Variants in PTPRM observed in about 807,000 individuals in gnomAD.
The protein encoded by PTPRM is receptor-type tyrosine-protein phosphatase mu.
In PTPRM, 47 loss-of-function variants were observed where a neutral mutation model predicts 186.7. The observed-to-expected ratio is 0.25, with a 90% CI of 0.20 to 0.32. The LOEUF (loss-of-function observed/expected upper bound fraction) is 0.32, where lower values mean the gene tolerates loss of function less well. Ranked by LOEUF, PTPRM falls within the 10% of genes least tolerant of loss-of-function variation. The pLI is 1.00. For missense variants in PTPRM, 1,494 were observed against 1,865.0 expected (o/e 0.80, Z 3.66); for synonymous variants, 668 against 674.9 (o/e 0.99, Z 0.16).
intron 14 of PTPRM, among the ~76,000 whole-genome samples, chr18:8,194,197 C>T (rs912981316): frequency 1.3e-5 from 2 of 152,214 alleles, no homozygotes; most frequent in African/African-American, 4.8e-5. Context: ...TTAATGCCAT[C>T]TCCTCTTCTT....
intron 14 of PTPRM, among the ~76,000 whole-genome samples, chr18:8,180,954 G>A (rs891243768): frequency 6.6e-6 from 1 of 152,076 alleles, no homozygotes; most frequent in Non-Finnish European, 1.5e-5. Context: ...GGGTGGGGGG[G>A]CCCTCTCCTG....
chr18:8,002,300 G>A (rs944815872), intron 7 of PTPRM, among the ~76,000 whole-genome samples: 1 of 152,178 alleles, frequency 6.6e-6, no homozygotes, highest in Non-Finnish European at 1.5e-5. Context: ...AGGGAATGAA[G>A]GTCCTGCCAT....
intron 2 of PTPRM, among the ~76,000 whole-genome samples, chr18:7,806,293 G>C (rs73395426): frequency 0.014 from 2,120 of 152,262 alleles, 45 homozygotes; most frequent in African/African-American, 0.04. Flanking sequence ...GGTTACTCAA[G>C]GGACTTCCAC....
At chr18:7,764,637 C>A (rs1175253649) in intron 1 of PTPRM, among the ~76,000 whole-genome samples, 10 of 152,200 alleles carry the variant, frequency 6.6e-5, no homozygotes, top group Non-Finnish European at 4.4e-5. Flanking sequence ...GAGGTTCTGA[C>A]TCAGTAGGTC....
chr18:7,624,580 G>T (rs1203390775), intron 1 of PTPRM, among the ~76,000 whole-genome samples: 4 of 152,002 alleles, frequency 2.6e-5, no homozygotes, highest in Non-Finnish European at 5.9e-5. Flanking sequence ...TGACTTCCTG[G>T]GTTCAAGTGA....
chr18:7,608,250 C>G (rs2037585332), intron 1 of PTPRM, among the ~76,000 whole-genome samples: 1 of 152,098 alleles, frequency 6.6e-6, no homozygotes, highest in Non-Finnish European at 1.5e-5. Context: ...ACAAAGAATA[C>G]TTTTTTCTGA....
chr18:8,074,674 TG>T (rs747336630), intron 8 of PTPRM, among the ~76,000 whole-genome samples: 66 of 152,240 alleles, frequency 4.3e-4, no homozygotes, highest in Non-Finnish European at 8.5e-4. Context: ...TATCTTTTCC[TG>T]TGCTTATTGA....
intron 1 of PTPRM, among the ~76,000 whole-genome samples, chr18:7,769,075 C>T (rs778013100): frequency 1.3e-5 from 2 of 152,110 alleles, no homozygotes; most frequent in Non-Finnish European, 2.9e-5. Flanking sequence ...CCCTAAACCT[C>T]ATTGCTCTGT....
At chr18:7,683,164 T>C (rs1339452156) in intron 1 of PTPRM, among the ~76,000 whole-genome samples, 2 of 69,628 alleles carry the variant, frequency 2.9e-5, no homozygotes, top group Non-Finnish European at 4.4e-5. Context: ...TGGCTTGCCA[T>C]TTTTTTTTTT....
At chr18:7,965,474 T>G (rs978566999) in intron 7 of PTPRM, among the ~76,000 whole-genome samples, 3 of 151,974 alleles carry the variant, frequency 2.0e-5, no homozygotes. Context: ...CCCAGGAAGG[T>G]AGGTGAACCC....
chr18:7,638,959 T>A (rs368418474), intron 1 of PTPRM, among the ~76,000 whole-genome samples: 1 of 152,240 alleles, frequency 6.6e-6, no homozygotes, highest in Non-Finnish European at 1.5e-5. Flanking sequence ...GAAAAGTTGA[T>A]CATCTTGAAT....
intron 19 of PTPRM, among the ~76,000 whole-genome samples, chr18:8,259,651 C>CTT (rs375876416): frequency 1.4e-5 from 2 of 148,092 alleles, no homozygotes; most frequent in African/African-American, 2.5e-5. Flanking sequence ...TAAAATCTTG[C>CTT]TTTTTTTTTT....
chr18:7,676,125 C>T (rs888272937), intron 1 of PTPRM, among the ~76,000 whole-genome samples: 1 of 152,130 alleles, frequency 6.6e-6, no homozygotes, highest in Non-Finnish European at 1.5e-5. Flanking sequence ...AGACTTGGCT[C>T]TTATTCTCAA....
intron 1 of PTPRM, among the ~76,000 whole-genome samples, chr18:7,626,977 G>C (rs957695763): frequency 6.6e-6 from 1 of 152,072 alleles, no homozygotes; most frequent in Non-Finnish European, 1.5e-5. Context: ...ACCTGGGAGT[G>C]CATCACACTC....
In PTPRM at chr18:8,380,390, C is replaced by T. The variant is rs1274151011; in HGVS notation, c.3881C>T (p.Thr1294Ile). Residue 1294 changes from threonine to isoleucine, a missense_variant, in exon 29 of 33, where the codon ACA becomes ATA. By Grantham distance (89) the Thr-to-Ile change is moderately conservative. This residue lies in a region of PTPRM where 1,107 missense variants were observed against 1,350.2 expected (regional missense o/e 0.82). Transcript: ENST00000580170. ...AGACTGGTCCTGGATTATCACTGCA[C>T]ATCCGTAGTTATGCTAAATGATGTG... ...FWRLVLDYHC[T>I]SVVMLNDVDP... 6.2e-7 allele frequency: 1 copy of T among 1,614,224 alleles called. No homozygotes were observed. Among genetic ancestry groups the T allele is most frequent in the Admixed American group, 1.7e-5 (1 of 60,032 alleles).
At chr18:8,178,212 A>G (rs953456270) in intron 14 of PTPRM, among the ~76,000 whole-genome samples, 1 of 152,164 alleles carries the variant, frequency 6.6e-6, no homozygotes, top group African/African-American at 2.4e-5. Context: ...CTTCTGAGCT[A>G]TAGCCAGAGA....
chr18:8,384,764 C>G, intron 30 of PTPRM, 78 bp downstream of exon 30: 3 of 1,553,424 alleles, frequency 1.9e-6, no homozygotes, highest in Non-Finnish European at 1.8e-6. Flanking sequence ...AGCACTCACT[C>G]TATGTCAGTC....
intron 5 of PTPRM, among the ~76,000 whole-genome samples, chr18:7,928,227 CT>C (rs1796280645): frequency 6.6e-6 from 1 of 152,244 alleles, no homozygotes; most frequent in South Asian, 2.1e-4. Flanking sequence ...CCTACTGTCC[CT>C]TTTAGAGACT....
intron 1 of PTPRM, among the ~76,000 whole-genome samples, chr18:7,627,004 G>A (rs913418936): frequency 6.6e-6 from 1 of 151,860 alleles, no homozygotes; most frequent in Non-Finnish European, 1.5e-5. Flanking sequence ...CTCTCCCCTC[G>A]GCACTATCCC....
Sources: allele counts gnomAD v4.1 joint callset (sites outside exome capture counted in the v4.1 genomes callset), GRCh38; gene constraint gnomAD v4.1.1; regional missense constraint gnomAD v4.1.1; transcripts MANE v1.5; gene names NCBI Gene and HGNC (gene_info 2026-07-23, HGNC 2026-07-21).